Variants in TNNI3K observed in about 807,000 individuals in gnomAD.
The protein encoded by TNNI3K is TNNI3 interacting kinase.
In TNNI3K, 140 loss-of-function variants were observed where a neutral mutation model predicts 114.5. The ratio of observed to expected loss-of-function variants is 1.22; its 90% CI spans 1.07 to 1.41. TNNI3K has a LOEUF of 1.41. Ranked by LOEUF, TNNI3K falls within the 40% of genes most tolerant of loss-of-function variation. The pLI is 0.00. For synonymous variants in TNNI3K, 347 were observed against 347.5 expected (o/e 1.00, Z 0.02); for missense variants, 1,125 against 1,007.6 (o/e 1.12, Z -1.58).
intron 11 of TNNI3K, among the ~76,000 whole-genome samples, chr1:74,360,212 G>A (rs990381625): frequency 1.3e-5 from 2 of 151,438 alleles, no homozygotes; most frequent in African/African-American, 4.9e-5. Context: ...TTTTCCAACT[G>A]TAGACTGAGA....
intron 19 of TNNI3K, among the ~76,000 whole-genome samples, chr1:74,438,008 C>T (rs972414308): frequency 4.6e-5 from 7 of 151,244 alleles, no homozygotes; most frequent in African/African-American, 7.3e-5. Flanking sequence ...TTATTCTAGC[C>T]GCATAGTCTT....
At chr1:74,299,333 G>C (rs868457415) in intron 5 of TNNI3K, among the ~76,000 whole-genome samples, 2 of 152,072 alleles carry the variant, frequency 1.3e-5, no homozygotes, top group Non-Finnish European at 2.9e-5. Context: ...GTGTAATCCT[G>C]TTTATCTTGC....
At chr1:74,405,776 T>C (rs746793291) in intron 17 of TNNI3K, among the ~76,000 whole-genome samples, 2 of 152,232 alleles carry the variant, frequency 1.3e-5, no homozygotes, top group African/African-American at 2.4e-5. Flanking sequence ...CTTTTAGTGA[T>C]GTTAGAATAA....
chr1:74,478,563 T>A (rs896708190), intron 21 of TNNI3K, among the ~76,000 whole-genome samples: 6 of 152,108 alleles, frequency 3.9e-5, no homozygotes, highest in Admixed American at 1.3e-4. Flanking sequence ...AAATCCTCTA[T>A]GAAAAAAAGG....
chr1:74,363,990 T>TATTATTATG (rs1361379997), intron 11 of TNNI3K, among the ~76,000 whole-genome samples: 2 of 146,228 alleles, frequency 1.4e-5, no homozygotes, highest in Non-Finnish European at 3.0e-5. Flanking sequence ...TTATTATTAT[T>TATTATTATG]ATTATTATTA....
intron 9 of TNNI3K, chr1:74,346,113 G>T (rs991652840): frequency 6.6e-6 from 1 of 152,120 alleles, no homozygotes; most frequent in African/African-American, 2.4e-5. Context: ...CATTGATAGG[G>T]TATTGTCTAT....
At chr1:74,334,450 T>G (rs1170970307) in intron 6 of TNNI3K, among the ~76,000 whole-genome samples, 1 of 152,202 alleles carries the variant, frequency 6.6e-6, no homozygotes, top group Non-Finnish European at 1.5e-5. Flanking sequence ...AATTGCTATT[T>G]GAACCCTAAC....
intron 9 of TNNI3K, among the ~76,000 whole-genome samples, chr1:74,347,605 A>G (rs1345364067): frequency 6.6e-6 from 1 of 152,156 alleles, no homozygotes; most frequent in Non-Finnish European, 1.5e-5. Flanking sequence ...GAACTAGTTT[A>G]CAGTCCCACC....
chr1:74,391,438 C>A (rs1364890803), intron 17 of TNNI3K, among the ~76,000 whole-genome samples: 1 of 151,832 alleles, frequency 6.6e-6, no homozygotes, highest in Non-Finnish European at 1.5e-5. Context: ...GTAGAGTGTA[C>A]TAGATACATA....
At chr1:74,350,982 G>C (rs570577651) in intron 9 of TNNI3K, among the ~76,000 whole-genome samples, 1 of 151,898 alleles carries the variant, frequency 6.6e-6, no homozygotes. Flanking sequence ...GGTTAGTATT[G>C]TTATGTGTGA....
intron 23 of TNNI3K, among the ~76,000 whole-genome samples, chr1:74,534,204 A>G (rs1646630881): frequency 8.7e-6 from 1 of 115,534 alleles, no homozygotes; most frequent in African/African-American, 4.0e-5. Context: ...AATTCTCTGT[A>G]ATTGTTTTAA....
intron 17 of TNNI3K, among the ~76,000 whole-genome samples, chr1:74,415,352 C>A (rs988532324): frequency 1.3e-5 from 2 of 152,080 alleles, no homozygotes; most frequent in Non-Finnish European, 2.9e-5. Flanking sequence ...TCTGACCCAT[C>A]ATTCATTTAT....
intron 23 of TNNI3K, among the ~76,000 whole-genome samples, chr1:74,535,719 G>A (rs1360428032): frequency 2.6e-5 from 4 of 152,138 alleles, no homozygotes; most frequent in African/African-American, 7.2e-5. Flanking sequence ...TATTGTTGAT[G>A]TCTAAGGTTC....
intron 5 of TNNI3K, among the ~76,000 whole-genome samples, chr1:74,286,253 C>G (rs1010906338): frequency 6.6e-6 from 1 of 152,150 alleles, no homozygotes; most frequent in African/African-American, 2.4e-5. Flanking sequence ...ATTCCAGAAC[C>G]AGGCCAGTCC....
chr1:74,400,982 C>T (rs780203946), intron 17 of TNNI3K, among the ~76,000 whole-genome samples: 25 of 152,212 alleles, frequency 1.6e-4, no homozygotes, highest in Non-Finnish European at 3.7e-4. Context: ...CTTGGTAGTA[C>T]TTGGAAAAGG....
intron 9 of TNNI3K, among the ~76,000 whole-genome samples, chr1:74,344,712 T>G (rs1660910350): frequency 6.6e-6 from 1 of 152,156 alleles, no homozygotes; most frequent in Non-Finnish European, 1.5e-5. Flanking sequence ...AATCAGAGGG[T>G]GACTGTCACC....
In TNNI3K at chr1:74,243,171, CTAACTA is replaced by C. The variant is rs138408107; in HGVS notation, c.150-6284_150-6279del. 5.9e-3 allele frequency among the ~76,000 whole-genome samples: 903 copies of C among 152,264 alleles called. 7 individuals carry two copies. The highest frequency in any genetic ancestry group is 8.6e-3 in the Non-Finnish European group (585 of 68,010). On this transcript the variant is annotated intron_variant, in intron 2 of 24. Transcript: ENST00000326637. ...TGCCAATTTTATCATATCTGTCACT[CTAACTA>C]TAATTGTTTATTGTATGAATGGCTG...
chr1:74,532,483 T>C (rs1264963021), intron 23 of TNNI3K, among the ~76,000 whole-genome samples: 1 of 152,110 alleles, frequency 6.6e-6, no homozygotes, highest in African/African-American at 2.4e-5. Flanking sequence ...TTTTATTTTA[T>C]TATTATTATA....
At chr1:74,235,938 T>C (rs1411051210) in intron 1 of TNNI3K, among the ~76,000 whole-genome samples, 164 bp from the exon 2 acceptor site, 1 of 151,670 alleles carries the variant, frequency 6.6e-6, no homozygotes, top group Non-Finnish European at 1.5e-5. Flanking sequence ...TATGATTGCA[T>C]TTTAAATATA....
Sources: gnomAD v4.1 joint callset for allele counts (sites outside exome capture counted in the v4.1 genomes callset) on GRCh38, gnomAD v4.1.1 for gene constraint, MANE v1.5 for transcripts, NCBI Gene and HGNC (gene_info 2026-07-23, HGNC 2026-07-21) for gene names.